Variants in MARCHF11 observed in about 807,000 individuals in gnomAD.
MARCHF11 encodes the protein membrane associated ring-CH-type finger 11, also known as E3 ubiquitin-protein ligase MARCHF11.
Under a neutral mutation model 37.3 loss-of-function variants are expected in MARCHF11, and 29 were observed. The ratio of observed to expected loss-of-function variants is 0.78; its 90% confidence interval spans 0.58 to 1.06. The LOEUF is 1.06. MARCHF11 is among the 50% of genes least tolerant of loss of function. The pLI, the probability that MARCHF11 is intolerant of heterozygous loss-of-function variation, is 0.00. For synonymous variants in MARCHF11, 233 were observed against 228.0 expected (o/e 1.02, Z -0.20); for missense variants, 482 against 533.4 (o/e 0.90, Z 0.95).
intron 2 of MARCHF11, among the ~76,000 whole-genome samples, chr5:16,168,639 C>T (rs758115208): frequency 1.3e-5 from 2 of 152,080 alleles, no homozygotes; most frequent in Non-Finnish European, 2.9e-5. Flanking sequence ...CAAAGACTTC[C>T]ACCCTATTCA....
At chr5:16,082,882 G>T (rs985023935) in intron 3 of MARCHF11, among the ~76,000 whole-genome samples, 1 of 152,142 alleles carries the variant, frequency 6.6e-6, no homozygotes, top group Non-Finnish European at 1.5e-5. Flanking sequence ...TAACTCGCCT[G>T]CCATGTAACC....
intron 2 of MARCHF11, among the ~76,000 whole-genome samples, chr5:16,119,365 T>TA (rs879795389): frequency 1.1e-3 from 162 of 141,102 alleles, no homozygotes; most frequent in African/African-American, 1.9e-3. Context: ...CCATCTCAAT[T>TA]AAAAAAAAAA....
chr5:16,168,241 G>A (rs2126608459), intron 2 of MARCHF11, among the ~76,000 whole-genome samples: 1 of 152,136 alleles, frequency 6.6e-6, no homozygotes, highest in South Asian at 2.1e-4. Flanking sequence ...TCAGGTTGAG[G>A]GCAGCAAGTA....
intron 2 of MARCHF11, among the ~76,000 whole-genome samples, chr5:16,108,666 A>G (rs547961122): frequency 1.0e-3 from 159 of 152,230 alleles, no homozygotes; most frequent in African/African-American, 3.5e-3. Context: ...AGTAAACAGG[A>G]AGCTGCAAAG....
At chr5:16,158,117 C>G (rs1028038064) in intron 2 of MARCHF11, among the ~76,000 whole-genome samples, 1 of 151,806 alleles carries the variant, frequency 6.6e-6, no homozygotes, top group Non-Finnish European at 1.5e-5. Context: ...AAATTAAAAC[C>G]AGAACGACAC....
At chr5:16,133,681 G>GA (rs1737559122) in intron 2 of MARCHF11, among the ~76,000 whole-genome samples, 1 of 151,580 alleles carries the variant, frequency 6.6e-6, no homozygotes, top group South Asian at 2.1e-4. Context: ...GCAAAAACAT[G>GA]AAAAAAGTTG....
intron 2 of MARCHF11, among the ~76,000 whole-genome samples, chr5:16,098,516 C>G (rs532354283): frequency 1.3e-4 from 20 of 152,192 alleles, no homozygotes; most frequent in African/African-American, 4.3e-4. Flanking sequence ...CCTGTAATCC[C>G]AGCACTTTGG....
intron 2 of MARCHF11, among the ~76,000 whole-genome samples, chr5:16,156,574 A>G (rs1737980394): frequency 6.6e-6 from 1 of 151,884 alleles, no homozygotes; most frequent in African/African-American, 2.4e-5. Flanking sequence ...CTCACTCTCA[A>G]TGACACTTTA....
At chr5:16,083,907 T>G (rs1736652025) in intron 3 of MARCHF11, among the ~76,000 whole-genome samples, 1 of 152,228 alleles carries the variant, frequency 6.6e-6, no homozygotes, top group African/African-American at 2.4e-5. Context: ...AACACTGGTT[T>G]TAAATAGACA....
At chr5:16,142,884 CTTTTTT>C (rs61225598) in intron 2 of MARCHF11, among the ~76,000 whole-genome samples, 18 of 52,210 alleles carry the variant, frequency 3.4e-4, no homozygotes, top group African/African-American at 8.3e-4. Context: ...CCACACCTGG[CTTTTTT>C]TTTTTTTTTT....
At chr5:16,102,430 C>T (rs577901387) in intron 2 of MARCHF11, among the ~76,000 whole-genome samples, 16 of 152,164 alleles carry the variant, frequency 1.1e-4, no homozygotes, top group African/African-American at 3.9e-4. Flanking sequence ...CTGAATGTTG[C>T]CTTCTGTTCT....
chr5:16,072,889 C>T (rs192056686), intron 3 of MARCHF11, among the ~76,000 whole-genome samples: 314 of 152,094 alleles, frequency 2.1e-3, no homozygotes, highest in African/African-American at 6.6e-3. Context: ...GGATGCTTCA[C>T]CTGCACTCCT....
chr5:16,121,767 T>C (rs1737312629), intron 2 of MARCHF11, among the ~76,000 whole-genome samples: 1 of 152,182 alleles, frequency 6.6e-6, no homozygotes, highest in Non-Finnish European at 1.5e-5. Flanking sequence ...AGCTAATGTG[T>C]TTATGCTCAG....
intron 2 of MARCHF11, among the ~76,000 whole-genome samples, chr5:16,149,474 C>G (rs913579688): frequency 6.6e-6 from 1 of 152,074 alleles, no homozygotes; most frequent in African/African-American, 2.4e-5. Context: ...ATTTGGGAAA[C>G]TCTTTGGTAA....
rs1314950624 is a variant in MARCHF11, at chr5:16,148,192, T to C, written c.693+29534A>G. Among the ~76,000 whole-genome samples the C allele has an allele frequency of 9.9e-5, 15 of 152,194 alleles. No homozygotes were observed. The South Asian group carries it at 1.9e-3, about 19-fold the overall frequency. ...AGGAGGAATTAAGTATACAAACTGCTAGGAAACAGAGGGCATGAATTTACT... is the reference window on the plus strand; with the variant it reads ...AGGAGGAATTAAGTATACAAACTGCCAGGAAACAGAGGGCATGAATTTACT... On this transcript the variant is annotated intron_variant, in intron 2 of 3. Transcript: ENST00000332432.
At chr5:16,125,463 A>G (rs1284187532) in intron 2 of MARCHF11, among the ~76,000 whole-genome samples, 2 of 152,182 alleles carry the variant, frequency 1.3e-5, no homozygotes, top group Non-Finnish European at 2.9e-5. Flanking sequence ...GTTTTAAAGC[A>G]TAGAATTAAC....
At chr5:16,079,890 C>T (rs1241773033) in intron 3 of MARCHF11, among the ~76,000 whole-genome samples, 1 of 152,170 alleles carries the variant, frequency 6.6e-6, no homozygotes, top group Admixed American at 6.5e-5. Context: ...CAAGGCAAAG[C>T]CCTTCCTGGG....
At chr5:16,084,803 AT>A (rs1328522865) in intron 3 of MARCHF11, among the ~76,000 whole-genome samples, 3 of 151,120 alleles carry the variant, frequency 2.0e-5, no homozygotes, top group Non-Finnish European at 4.4e-5. Context: ...ATAAGAAGAT[AT>A]TTTTATCTGA....
chr5:16,104,924 C>T (rs4702123), intron 2 of MARCHF11, among the ~76,000 whole-genome samples: 31,860 of 151,018 alleles, frequency 0.21, 3,498 homozygotes, highest in South Asian at 0.32. Flanking sequence ...AACACACACA[C>T]ACACACACAC....
Sources: allele counts gnomAD v4.1 joint callset (sites outside exome capture counted in the v4.1 genomes callset), GRCh38; gene constraint gnomAD v4.1.1; transcripts MANE v1.5; gene names NCBI Gene and HGNC (gene_info 2026-07-23, HGNC 2026-07-21).